Variants in E2F3 observed in about 807,000 individuals in gnomAD.
E2F3 encodes transcription factor E2F3.
Under a neutral mutation model 44.4 loss-of-function variants are expected in E2F3, and 11 were observed. That is an observed-to-expected ratio of 0.25 (90% confidence interval 0.16 to 0.41). The LOEUF is 0.41. Ranked by LOEUF, E2F3 falls within the 10% of genes least tolerant of loss-of-function variation. The pLI, the probability that E2F3 is intolerant of heterozygous loss-of-function variation, is 1.00. For missense variants in E2F3, 487 were observed against 583.6 expected (o/e 0.83, Z 1.70); for synonymous variants, 249 against 253.0 (o/e 0.98, Z 0.15).
At chr6:20,470,515 G>C (rs1761854567) in intron 1 of E2F3, among the ~76,000 whole-genome samples, 2 of 152,350 alleles carry the variant, frequency 1.3e-5, no homozygotes, top group African/African-American at 4.8e-5. Context: ...AGGTTCAGCT[G>C]TGGTCTGCTA....
chr6:20,466,220 C>T (rs917573985), intron 1 of E2F3, among the ~76,000 whole-genome samples: 1 of 152,070 alleles, frequency 6.6e-6, no homozygotes, highest in Non-Finnish European at 1.5e-5. Context: ...TCAAGCGATT[C>T]TCCTACCTCA....
chr6:20,431,970 C>T (rs1273513132), intron 1 of E2F3, among the ~76,000 whole-genome samples: 1 of 152,218 alleles, frequency 6.6e-6, no homozygotes, highest in African/African-American at 2.4e-5. Flanking sequence ...GGTCGTCCCT[C>T]TGTCATAAGC....
intron 1 of E2F3, among the ~76,000 whole-genome samples, chr6:20,446,301 G>A (rs1055979229): frequency 5.9e-5 from 9 of 152,132 alleles, no homozygotes; most frequent in African/African-American, 1.9e-4. Context: ...CAGGAAAGAC[G>A]AAATGATATT....
intron 1 of E2F3, among the ~76,000 whole-genome samples, chr6:20,449,524 A>C (rs1377802717): frequency 2.0e-5 from 3 of 152,212 alleles, no homozygotes; most frequent in Non-Finnish European, 4.4e-5. Flanking sequence ...ATACATGTGC[A>C]GGTATATCTG....
At chr6:20,443,121 G>C (rs993637698) in intron 1 of E2F3, among the ~76,000 whole-genome samples, 15 of 152,202 alleles carry the variant, frequency 9.9e-5, no homozygotes, top group African/African-American at 3.1e-4. Flanking sequence ...AAGAATTGCT[G>C]TGGGGTACAG....
chr6:20,446,602 C>T (rs572788746), intron 1 of E2F3, among the ~76,000 whole-genome samples: 3 of 152,278 alleles, frequency 2.0e-5, no homozygotes, highest in Non-Finnish European at 4.4e-5. Flanking sequence ...CTGTGTCACC[C>T]GGACTAGAGC....
rs771049572 is a variant in E2F3 at position 20,490,440 on chromosome 6, G to A, written c.*10G>A. ...CTTCATGTGTAGTTGATTATGCTTC[G>A]TGTGAACTCTCCTTAAAAACCGATA... On this transcript the variant is annotated 3_prime_UTR_variant, in exon 7 of 7. Transcript: ENST00000346618. The surrounding 1 kb of genome is among the most constrained non-coding windows in gnomAD (Gnocchi z 4.3). 9.7e-6 allele frequency: 15 copies of A among 1,542,790 alleles called. No individual in the cohort carries two copies. The East Asian group carries it at 1.1e-4, about 12-fold the overall frequency.
intron 1 of E2F3, among the ~76,000 whole-genome samples, chr6:20,411,591 C>T (rs1337138548): frequency 6.6e-6 from 1 of 152,180 alleles, no homozygotes; most frequent in Non-Finnish European, 1.5e-5. Context: ...GTCTTGCTTC[C>T]CATTCCTCTG....
chr6:20,488,775 C>T (rs566614082), intron 6 of E2F3, among the ~76,000 whole-genome samples: 1 of 152,248 alleles, frequency 6.6e-6, no homozygotes, highest in Non-Finnish European at 1.5e-5. Context: ...GCAGGCAGAT[C>T]ACGAGGTCAG....
chr6:20,475,684 TAG>T (rs1373194284), intron 1 of E2F3, among the ~76,000 whole-genome samples: 2 of 152,148 alleles, frequency 1.3e-5, no homozygotes, highest in Non-Finnish European at 2.9e-5. Flanking sequence ...GTATTTTTAG[TAG>T]AGTTAGGGTT....
intron 1 of E2F3, among the ~76,000 whole-genome samples, chr6:20,415,874 C>T (rs1759829162): frequency 1.3e-5 from 2 of 152,276 alleles, no homozygotes; most frequent in African/African-American, 2.4e-5. Flanking sequence ...GGATCAAAGT[C>T]TGCAGTTCAG....
chr6:20,439,482 G>C (rs1451944708), intron 1 of E2F3, among the ~76,000 whole-genome samples: 10 of 152,068 alleles, frequency 6.6e-5, no homozygotes, highest in Non-Finnish European at 1.5e-5. Flanking sequence ...TCTTTCCACT[G>C]ATTACAAGTG....
intron 1 of E2F3, among the ~76,000 whole-genome samples, chr6:20,474,631 C>T (rs1761990165): frequency 1.3e-5 from 2 of 152,208 alleles, no homozygotes; most frequent in Non-Finnish European, 2.9e-5. Context: ...CCCTGGTGCT[C>T]AGCCCAGGGC....
intron 1 of E2F3, among the ~76,000 whole-genome samples, chr6:20,427,965 A>G (rs1021782121): frequency 4.6e-5 from 7 of 152,186 alleles, no homozygotes; most frequent in African/African-American, 1.7e-4. Flanking sequence ...CTGTTCACCA[A>G]GGGACTTTGG....
rs577682690 is a variant in E2F3 at position 20,411,175 on chromosome 6, T to C, written c.393+8550T>C. Among the ~76,000 whole-genome samples the C allele has an allele frequency of 2.0e-5, 3 of 152,338 alleles. No individual in the cohort carries two copies. In the East Asian group the frequency reaches 5.8e-4, roughly 29 times the overall value. On this transcript the variant is annotated intron_variant, in intron 1 of 6. Coordinates refer to ENST00000346618, the MANE Select transcript of E2F3 (RefSeq NM_001949.5). ...AAACCTTTATTTCTGTGATTAAATG[T>C]ATTAATAAAGTGACACTACTAGCAT...
chr6:20,475,996 C>T (rs780679531), intron 1 of E2F3, among the ~76,000 whole-genome samples: 12 of 152,186 alleles, frequency 7.9e-5, no homozygotes, highest in Non-Finnish European at 1.6e-4. Context: ...CTGCCAACTC[C>T]CTGTCACACC....
intron 1 of E2F3, among the ~76,000 whole-genome samples, chr6:20,463,048 TA>T (rs909423566): frequency 1.3e-5 from 2 of 151,630 alleles, no homozygotes; most frequent in African/African-American, 4.9e-5. Context: ...CTTTAACCTC[TA>T]AGTGGTGGGA....
chr6:20,486,580 A>ATACT, intron 4 of E2F3, 109 bp from the exon 5 acceptor site: 1 of 659,440 alleles, frequency 1.5e-6, no homozygotes, highest in Non-Finnish European at 2.6e-6. Flanking sequence ...CCACATATGC[A>ATACT]TACTTCTAAG....
intron 1 of E2F3, among the ~76,000 whole-genome samples, chr6:20,465,882 A>G (rs1761686573): frequency 6.6e-6 from 1 of 152,120 alleles, no homozygotes; most frequent in Non-Finnish European, 1.5e-5. Context: ...AATTTTTGCA[A>G]TTGTGAATCG....
Sources: allele counts gnomAD v4.1 joint callset (sites outside exome capture counted in the v4.1 genomes callset), GRCh38; gene constraint gnomAD v4.1.1; non-coding constraint Gnocchi (gnomAD v3.1); transcripts MANE v1.5; gene names NCBI Gene and HGNC (gene_info 2026-07-23, HGNC 2026-07-21).